Variants in NCAM2 observed in about 807,000 individuals in gnomAD.
NCAM2 encodes the protein neural cell adhesion molecule 2.
In NCAM2, 30 loss-of-function variants were observed where a neutral mutation model predicts 98.1. That is an observed-to-expected ratio of 0.31 (90% CI 0.23 to 0.41). The LOEUF (loss-of-function observed/expected upper bound fraction) is 0.41. NCAM2 is among the 10% of genes least tolerant of loss of function. NCAM2 has a pLI of 1.00. For missense variants in NCAM2, 867 were observed against 1,005.8 expected, an observed-to-expected ratio of 0.86 and a Z score of 1.87; for synonymous variants, 368 against 342.4, an observed-to-expected ratio of 1.07 and a Z score of -0.83.
At chr21:21,038,858 A>G (rs2064848603) in intron 1 of NCAM2, among the ~76,000 whole-genome samples, 1 of 152,158 alleles carries the variant, frequency 6.6e-6, no homozygotes, top group Non-Finnish European at 1.5e-5. Flanking sequence ...TGTGTGAGGA[A>G]TACGAAGGCC....
chr21:21,126,236 T>TGAAAAAAAAAA, intron 1 of NCAM2, among the ~76,000 whole-genome samples: 1 of 97,566 alleles, frequency 1.0e-5, no homozygotes, highest in South Asian at 4.1e-4. Flanking sequence ...TCATGGAACA[T>TGAAAAAAAAAA]AAAAAAAAAA....
chr21:21,197,949 T>C (rs1430580629), intron 1 of NCAM2, among the ~76,000 whole-genome samples: 1 of 152,220 alleles, frequency 6.6e-6, no homozygotes, highest in African/African-American at 2.4e-5. Context: ...ACTGTTACTA[T>C]GACTGGAGAT....
intron 1 of NCAM2, among the ~76,000 whole-genome samples, chr21:21,190,853 T>A (rs1285719551): frequency 6.6e-6 from 1 of 152,192 alleles, no homozygotes; most frequent in African/African-American, 2.4e-5. Flanking sequence ...GTTGCAGAAT[T>A]CCTACCATAT....
chr21:21,418,177 G>T (rs938971933), intron 10 of NCAM2, among the ~76,000 whole-genome samples: 5 of 151,764 alleles, frequency 3.3e-5, no homozygotes, highest in Non-Finnish European at 7.4e-5. Context: ...CATATATGTA[G>T]ATATAATGGT....
intron 15 of NCAM2, among the ~76,000 whole-genome samples, chr21:21,483,279 A>G (rs969466829): frequency 1.3e-5 from 2 of 152,044 alleles, no homozygotes; most frequent in Non-Finnish European, 2.9e-5. Context: ...AACATTTTTT[A>G]TATTCAATGA....
intron 1 of NCAM2, among the ~76,000 whole-genome samples, chr21:21,258,238 C>T (rs2071752086): frequency 1.3e-5 from 2 of 152,112 alleles, no homozygotes; most frequent in African/African-American, 4.8e-5. Context: ...ACTTTTTTCA[C>T]ATCTGCTGAA....
intron 1 of NCAM2, among the ~76,000 whole-genome samples, chr21:21,264,918 T>C: frequency 9.1e-6 from 1 of 109,670 alleles, no homozygotes; most frequent in Admixed American, 9.9e-5. Flanking sequence ...ACACATATAT[T>C]AGATATACAC....
In NCAM2 at chr21:21,518,028, G is replaced by T. The variant is rs546447439; in HGVS notation, c.2282+8973G>T. Among the ~76,000 whole-genome samples, 4 of 152,186 alleles carry T rather than the reference G, an allele frequency of 2.6e-5. No individual in the cohort carries two copies. In the South Asian group the frequency reaches 8.3e-4, roughly 32 times the overall value. On this transcript the variant is annotated intron_variant, in intron 16 of 17. Coordinates refer to ENST00000400546, the MANE Select transcript of NCAM2 (RefSeq NM_004540.5). ...ACATTTGTTTCTTTCTTCATAAAAT[G>T]AGAATTTACAGTTCTGCTCCACATG...
intron 1 of NCAM2, among the ~76,000 whole-genome samples, chr21:21,114,538 T>C (rs2066514899): frequency 6.6e-6 from 1 of 151,952 alleles, no homozygotes; most frequent in Non-Finnish European, 1.5e-5. Flanking sequence ...GTAACAAGAG[T>C]GGAGATGTCA....
rs1569142221 is a variant in NCAM2 at position 21,530,323 on chromosome 21, TTAAATTAAATTATA to T, written c.2283-4213_2283-4200del. Among the ~76,000 whole-genome samples the T allele has an allele frequency of 2.0e-3, 48 of 24,466 alleles. 1 individual carries two copies. The highest frequency in any genetic ancestry group is 9.9e-4 in the Non-Finnish European group (11 of 11,076). 16.1% of individuals were successfully genotyped at this position (24,466 alleles called of 152,430 possible). On this transcript the variant is annotated intron_variant, in intron 16 of 17. Coordinates refer to ENST00000400546, the MANE Select transcript of NCAM2 (RefSeq NM_004540.5). The stretch of plus-strand genomic sequence containing the variant: ...TTAAATTAAATTATATATAATTAAA[TTAAATTAAATTATA>T]CATAATTAAATTAAAATATAATTTG...
At chr21:21,243,678 T>A (rs1281185752) in intron 1 of NCAM2, among the ~76,000 whole-genome samples, 1 of 152,086 alleles carries the variant, frequency 6.6e-6, no homozygotes, top group Non-Finnish European at 1.5e-5. Context: ...TAAAAAGAAG[T>A]CTAGGCCACT....
chr21:21,186,156 T>A (rs2068634631), intron 1 of NCAM2, among the ~76,000 whole-genome samples: 1 of 152,130 alleles, frequency 6.6e-6, no homozygotes, highest in African/African-American at 2.4e-5. Context: ...CTAGTCCCAT[T>A]ATAAAGAGAA....
intron 1 of NCAM2, among the ~76,000 whole-genome samples, chr21:21,247,018 A>G (rs946027683): frequency 1.4e-3 from 27 of 18,804 alleles, no homozygotes; most frequent in Admixed American, 4.0e-3. Context: ...ATAGAGTTTA[A>G]TATGTTTAAA....
At chr21:21,116,833 C>A (rs1311312246) in intron 1 of NCAM2, among the ~76,000 whole-genome samples, 3 of 150,312 alleles carry the variant, frequency 2.0e-5, no homozygotes, top group Admixed American at 1.3e-4. Flanking sequence ...CCAGCCTGGG[C>A]GACAGAGCCA....
intron 1 of NCAM2, among the ~76,000 whole-genome samples, chr21:21,039,987 C>G (rs1601173166): frequency 6.6e-6 from 1 of 152,100 alleles, no homozygotes; most frequent in African/African-American, 2.4e-5. Context: ...TATTTCATAC[C>G]AGTGAGGAGG....
intron 6 of NCAM2, among the ~76,000 whole-genome samples, chr21:21,324,767 A>T (rs1181040008): frequency 6.6e-6 from 1 of 152,170 alleles, no homozygotes; most frequent in Non-Finnish European, 1.5e-5. Context: ...GAAAAATGGG[A>T]CCAGGAGCAC....
intron 1 of NCAM2, among the ~76,000 whole-genome samples, chr21:21,208,680 G>C (rs73228536): frequency 1.3e-5 from 2 of 151,774 alleles, no homozygotes; most frequent in South Asian, 2.1e-4. Context: ...TTGTAGAGGA[G>C]ACCTTAAGAA....
At chr21:21,059,659 T>C (rs2065281956) in intron 1 of NCAM2, among the ~76,000 whole-genome samples, 1 of 152,140 alleles carries the variant, frequency 6.6e-6, no homozygotes, top group Admixed American at 6.6e-5. Context: ...CACAGTATCC[T>C]CTTTGATTTT....
chr21:21,493,176 A>G (rs1221042859), intron 15 of NCAM2, among the ~76,000 whole-genome samples: 2 of 151,980 alleles, frequency 1.3e-5, no homozygotes, highest in East Asian at 1.9e-4. Context: ...GGTATGGTTC[A>G]CTGCTGAATT....
Sources: allele counts gnomAD v4.1 joint callset (sites outside exome capture counted in the v4.1 genomes callset), GRCh38; gene constraint gnomAD v4.1.1; transcripts MANE v1.5; gene names NCBI Gene and HGNC (gene_info 2026-07-23, HGNC 2026-07-21).